MBOAT1: variants seen among roughly 807,000 people sequenced by gnomAD.
MBOAT1 encodes membrane-bound glycerophospholipid O-acyltransferase 1.
MBOAT1 carries 67 observed loss-of-function variants against 64.4 expected under a neutral mutation model. The ratio of observed to expected loss-of-function variants is 1.04; its 90% CI spans 0.85 to 1.27. The LOEUF is 1.27. Ranked by LOEUF, MBOAT1 falls within the 50% of genes most tolerant of loss-of-function variation. The pLI, the probability that MBOAT1 is intolerant of heterozygous loss-of-function variation, is 0.00. For missense variants in MBOAT1, 563 were observed against 604.6 expected, an observed-to-expected ratio of 0.93 and a Z score of 0.72; for synonymous variants, 229 against 218.9, an observed-to-expected ratio of 1.05 and a Z score of -0.41.
At chr6:20,144,466 C>T (rs2113681712) in intron 3 of MBOAT1, 151 bp from the exon 4 acceptor site, 1 of 590,316 alleles carries the variant, frequency 1.7e-6, no homozygotes, top group South Asian at 2.0e-5. Flanking sequence ...TTTCCACCCA[C>T]TACTCTAGCT....
At chr6:20,111,746 A>C (rs151228270) in intron 11 of MBOAT1, among the ~76,000 whole-genome samples, 3,489 of 149,542 alleles carry the variant, frequency 0.023, 139 homozygotes, top group African/African-American at 0.081. Flanking sequence ...ACAAATATGT[A>C]CAATATGCAC....
At chr6:20,163,054 C>T (rs572769374) in intron 1 of MBOAT1, among the ~76,000 whole-genome samples, 22 of 152,098 alleles carry the variant, frequency 1.4e-4, no homozygotes, top group African/African-American at 3.1e-4. Flanking sequence ...TGATTTAGAA[C>T]GAAAGCCCTT....
rs140238181 is a variant in MBOAT1, at chr6:20,166,069, G to A, written c.100-13300C>T. On this transcript the variant is annotated intron_variant, in intron 1 of 12. Coordinates refer to ENST00000324607, the MANE Select transcript of MBOAT1 (RefSeq NM_001080480.3). ...CTAGCATGCATCTTCCTCTTTAGCA[G>A]ATGGAGCATACACTTTAATACTGTT... 3.6e-3 allele frequency among the ~76,000 whole-genome samples: 545 copies of A among 152,146 alleles called. 1 individual carries two copies. Among genetic ancestry groups the A allele is most frequent in the Middle Eastern group, 6.8e-3 (2 of 294 alleles).
intron 1 of MBOAT1, among the ~76,000 whole-genome samples, chr6:20,193,125 C>G (rs1413664461): frequency 6.7e-6 from 1 of 149,752 alleles, no homozygotes; most frequent in African/African-American, 2.4e-5. Flanking sequence ...CCTGCCTCAG[C>G]CTCCAGAGTA....
At chr6:20,142,638 T>G in intron 4 of MBOAT1, among the ~76,000 whole-genome samples, 1 of 152,032 alleles carries the variant, frequency 6.6e-6, no homozygotes, top group Non-Finnish European at 1.5e-5. Flanking sequence ...TTAGTAGAGA[T>G]AGCGTTTCAC....
rs1392985684 is a variant in MBOAT1 at position 20,185,493 on chromosome 6, A to G, written c.99+26643T>C. On this transcript the variant is annotated intron_variant, in intron 1 of 12. Coordinates refer to ENST00000324607, the MANE Select transcript of MBOAT1 (RefSeq NM_001080480.3). ...AGAAAAAGTTTGACCTCCCTGGAAG[A>G]AAAGGGAATTCTGACAGCAGACTGC... 5.3e-5 allele frequency among the ~76,000 whole-genome samples: 8 copies of G among 152,198 alleles called. No homozygotes were observed. The East Asian group carries it at 1.5e-3, about 29-fold the overall frequency.
chr6:20,164,399 C>T (rs187298907), intron 1 of MBOAT1, among the ~76,000 whole-genome samples: 339 of 152,060 alleles, frequency 2.2e-3, no homozygotes, highest in African/African-American at 7.6e-3. Context: ...CTAAATGGAA[C>T]GTGAAAGTAC....
At chr6:20,126,787 T>G in intron 6 of MBOAT1, 87 bp from the exon 7 acceptor site, 1 of 943,260 alleles carries the variant, frequency 1.1e-6, no homozygotes, top group Non-Finnish European at 1.6e-6. Context: ...AAATGTTATC[T>G]CTGTAGATTC....
intron 1 of MBOAT1, among the ~76,000 whole-genome samples, chr6:20,194,855 A>G (rs1262663387): frequency 1.3e-5 from 2 of 152,224 alleles, no homozygotes; most frequent in Non-Finnish European, 2.9e-5. Context: ...TTGCCTATTC[A>G]ATCATTTATT....
chr6:20,140,062 C>T (rs540111774), intron 4 of MBOAT1, among the ~76,000 whole-genome samples: 2 of 152,150 alleles, frequency 1.3e-5, no homozygotes, highest in African/African-American at 4.8e-5. Context: ...CTCACATAAG[C>T]CCCAGCCACT....
intron 11 of MBOAT1, among the ~76,000 whole-genome samples, chr6:20,111,673 C>A (rs1760140356): frequency 6.6e-6 from 1 of 151,166 alleles, no homozygotes; most frequent in Non-Finnish European, 1.5e-5. Flanking sequence ...CTTTAGTTTT[C>A]TTTTATAATC....
chr6:20,107,241 C>G (rs1759985220), intron 12 of MBOAT1, among the ~76,000 whole-genome samples: 2 of 152,168 alleles, frequency 1.3e-5, no homozygotes, highest in Non-Finnish European at 2.9e-5. Context: ...CTCAGCTCAC[C>G]TCCCTCCACC....
intron 12 of MBOAT1, among the ~76,000 whole-genome samples, chr6:20,104,303 C>G (rs190557192): frequency 6.6e-6 from 1 of 152,300 alleles, no homozygotes; most frequent in Admixed American, 6.5e-5. Flanking sequence ...TCCTTAAACA[C>G]AATGCAACTA....
chr6:20,102,661 T>C (rs141880861), intron 12 of MBOAT1, among the ~76,000 whole-genome samples: 215 of 152,218 alleles, frequency 1.4e-3, no homozygotes, highest in African/African-American at 4.9e-3. Flanking sequence ...ATACACACGG[T>C]ACCGTCCCAT....
At chr6:20,201,829 A>C (rs140698515) in intron 1 of MBOAT1, among the ~76,000 whole-genome samples, 44 of 152,018 alleles carry the variant, frequency 2.9e-4, no homozygotes, top group Non-Finnish European at 4.6e-4. Context: ...TGATCCACCC[A>C]CCGTGGCCTC....
chr6:20,120,053 CTA>C (rs1760451096), intron 8 of MBOAT1, among the ~76,000 whole-genome samples: 1 of 151,574 alleles, frequency 6.6e-6, no homozygotes, highest in Admixed American at 6.6e-5. Context: ...TTCCAGGACT[CTA>C]TATAATACTT....
At chr6:20,165,748 A>G (rs1761999868) in intron 1 of MBOAT1, among the ~76,000 whole-genome samples, 1 of 152,106 alleles carries the variant, frequency 6.6e-6, no homozygotes, top group Non-Finnish European at 1.5e-5. Flanking sequence ...GTTTCAAAAA[A>G]AAAAAAAAAG....
In MBOAT1 at chr6:20,177,265, C is replaced by T. The variant is rs560301127; in HGVS notation, c.100-24496G>A. Among the ~76,000 whole-genome samples the T allele has an allele frequency of 1.1e-4, 17 of 152,284 alleles. No individual in the cohort carries two copies. The East Asian group carries it at 2.7e-3, about 24-fold the overall frequency. On this transcript the variant is annotated intron_variant, in intron 1 of 12. Coordinates refer to ENST00000324607, the MANE Select transcript of MBOAT1 (RefSeq NM_001080480.3). ...CCAACAGATGGGTTTAGACCTATCTCGGGGATGATAACAAATATATCTATT... is the reference window on the plus strand; with the variant it reads ...CCAACAGATGGGTTTAGACCTATCTTGGGGATGATAACAAATATATCTATT...
At position 20,117,027 on chromosome 6, in the gene MBOAT1, T is replaced by C. The variant is rs560330757; in HGVS notation, c.1011+1410A>G. Among the ~76,000 whole-genome samples the C allele has an allele frequency of 2.6e-3, 398 of 152,362 alleles. 2 individuals carry two copies. The highest frequency in any genetic ancestry group is 4.8e-3 in the South Asian group (23 of 4,830). On this transcript the variant is annotated intron_variant, in intron 9 of 12. Transcript: ENST00000324607. ...ATAAAAAAGAGAAGCTTACGGATCA[T>C]GTATACTGTTTTTCCAAAACTGAGA...
Sources: allele counts gnomAD v4.1 joint callset (sites outside exome capture counted in the v4.1 genomes callset), GRCh38; gene constraint gnomAD v4.1.1; transcripts MANE v1.5; gene names NCBI Gene and HGNC (gene_info 2026-07-23, HGNC 2026-07-21).